Variants in NEK1 observed in about 807,000 individuals in gnomAD.
NEK1 encodes NIMA related kinase 1.
A neutral mutation model predicts 182.1 loss-of-function variants in NEK1; 137 were observed. The ratio of observed to expected loss-of-function variants is 0.75; its 90% CI spans 0.65 to 0.87. The LOEUF is 0.87. NEK1 is among the 40% of genes least tolerant of loss of function. The probability of loss-of-function intolerance (pLI) is 0.00; values close to 1 mark genes in which losing one functional copy is unlikely to be tolerated. For synonymous variants in NEK1, 513 were observed against 492.2 expected (o/e 1.04, Z -0.56); for missense variants, 1,391 against 1,494.4 (o/e 0.93, Z 1.14).
intron 22 of NEK1, 35 bp from the exon 23 acceptor site, chr4:169,507,167 A>C: frequency 3.1e-6 from 4 of 1,300,530 alleles, no homozygotes; most frequent in Non-Finnish European, 3.2e-6. Context: ...ATGAGTTACC[A>C]GAAAGAAGGG....
At chr4:169,575,666 T>C (rs1165850530) in intron 12 of NEK1, among the ~76,000 whole-genome samples, 2 of 152,204 alleles carry the variant, frequency 1.3e-5, no homozygotes, top group Non-Finnish European at 2.9e-5. Flanking sequence ...CAGTACATTC[T>C]ACTGACACTC....
chr4:169,509,210 G>A (rs901160043), intron 19 of NEK1, among the ~76,000 whole-genome samples: 4 of 151,806 alleles, frequency 2.6e-5, no homozygotes, highest in Non-Finnish European at 4.4e-5. Flanking sequence ...AATCCATTTC[G>A]ACATATGTCT....
At chr4:169,493,089 G>A (rs1261409484) in intron 23 of NEK1, among the ~76,000 whole-genome samples, 7 of 151,944 alleles carry the variant, frequency 4.6e-5, no homozygotes, top group African/African-American at 1.7e-4. Context: ...CTTACTCTTC[G>A]GCACCATCTA....
intron 2 of NEK1, among the ~76,000 whole-genome samples, chr4:169,603,048 C>T (rs946853294): frequency 6.6e-6 from 1 of 152,166 alleles, no homozygotes; most frequent in African/African-American, 2.4e-5. Flanking sequence ...CTAATCCCCT[C>T]TTATTCAACA....
At chr4:169,558,098 G>C (rs887728618) in intron 16 of NEK1, among the ~76,000 whole-genome samples, 12 of 152,112 alleles carry the variant, frequency 7.9e-5, no homozygotes, top group Admixed American at 5.2e-4. Flanking sequence ...TCAGAATTCA[G>C]TTATAAGGTG....
rs188990494 is a variant in NEK1 at position 169,456,854 on chromosome 4, T to C, written c.2587+6389A>G. On this transcript the variant is annotated intron_variant, in intron 27 of 35. Coordinates refer to ENST00000507142, the MANE Select transcript of NEK1 (RefSeq NM_001199397.3). Reference sequence around the variant, plus strand: ...ATGGATAAAGAAAATGTGGGACATATACACAATGGAGTACTATTCAGCCAC... The same window carrying C: ...ATGGATAAAGAAAATGTGGGACATACACACAATGGAGTACTATTCAGCCAC... Among the ~76,000 whole-genome samples, 606 of 152,310 alleles carry C rather than the reference T, an allele frequency of 4.0e-3. 5 individuals carry two copies. Among genetic ancestry groups the C allele is most frequent in the South Asian group, 0.03 (143 of 4,828 alleles).
rs773540739 is a variant in NEK1, at chr4:169,541,592, G to C, written c.1563-3681C>G. Among the ~76,000 whole-genome samples the C allele has an allele frequency of 1.2e-3, 184 of 152,228 alleles. 4 individuals carry two copies. Among genetic ancestry groups the C allele is most frequent in the Non-Finnish European group, 1.3e-3 (86 of 68,012 alleles). On this transcript the variant is annotated intron_variant, in intron 18 of 35. Coordinates refer to ENST00000507142, the MANE Select transcript of NEK1 (RefSeq NM_001199397.3). ...AGATTTCAGTTTGCTGATTCAGTTT[G>C]AATCATGGAAAGGAATGAATCAAGA...
chr4:169,487,658 T>C (rs572419236), intron 23 of NEK1, among the ~76,000 whole-genome samples: 58 of 152,346 alleles, frequency 3.8e-4, no homozygotes, highest in Non-Finnish European at 6.3e-4. Flanking sequence ...GAATGATTTA[T>C]ATATTTTGGG....
At chr4:169,401,948 A>G (rs1731765334) in intron 32 of NEK1, 88 bp from the exon 33 acceptor site, 1 of 1,123,320 alleles carries the variant, frequency 8.9e-7, no homozygotes, top group African/African-American at 1.6e-5. Flanking sequence ...CTGAAATTTT[A>G]CTTCTACTCA....
chr4:169,477,572 C>T (rs1445579479), intron 24 of NEK1, 75 bp from the exon 25 acceptor site: 12 of 1,110,136 alleles, frequency 1.1e-5, no homozygotes, highest in Admixed American at 2.6e-5. Context: ...ATTACATCCT[C>T]GTTACTTTTT....
At chr4:169,447,198 T>C (rs980834816) in intron 27 of NEK1, among the ~76,000 whole-genome samples, 4 of 152,100 alleles carry the variant, frequency 2.6e-5, no homozygotes, top group African/African-American at 9.7e-5. Flanking sequence ...GCAGCAGACT[T>C]TGTGTCTGGC....
chr4:169,473,246 G>GAA (rs111395147), intron 26 of NEK1, among the ~76,000 whole-genome samples: 36 of 129,236 alleles, frequency 2.8e-4, no homozygotes, highest in Non-Finnish European at 3.7e-4. Context: ...AGCCTGTCTT[G>GAA]AAAAAAAAAA....
At chr4:169,574,597 A>G (rs566173777) in intron 12 of NEK1, among the ~76,000 whole-genome samples, 1 of 147,622 alleles carries the variant, frequency 6.8e-6, no homozygotes, top group South Asian at 2.2e-4. Flanking sequence ...ACAGAGGGAG[A>G]CTCCACCTCA....
intron 29 of NEK1, among the ~76,000 whole-genome samples, chr4:169,430,675 C>A (rs1737257414): frequency 1.3e-5 from 2 of 152,096 alleles, no homozygotes; most frequent in Non-Finnish European, 2.9e-5. Context: ...TAATGTGAAT[C>A]CATGTCATTA....
At chr4:169,546,612 G>T (rs1760506719) in intron 18 of NEK1, among the ~76,000 whole-genome samples, 1 of 152,164 alleles carries the variant, frequency 6.6e-6, no homozygotes, top group Non-Finnish European at 1.5e-5. Flanking sequence ...GGGAGTCTAT[G>T]TCTCTTTTTA....
intron 19 of NEK1, among the ~76,000 whole-genome samples, chr4:169,509,209 C>T (rs772165707): frequency 3.3e-5 from 5 of 151,950 alleles, no homozygotes; most frequent in Non-Finnish European, 5.9e-5. Flanking sequence ...CAATCCATTT[C>T]GACATATGTC....
intron 23 of NEK1, among the ~76,000 whole-genome samples, chr4:169,505,962 A>C (rs1753182758): frequency 1.3e-5 from 2 of 152,162 alleles, no homozygotes; most frequent in Admixed American, 1.3e-4. Flanking sequence ...AAGAGATATA[A>C]AAGAAACTAT....
chr4:169,607,543 A>G (rs554661038), intron 2 of NEK1, among the ~76,000 whole-genome samples: 86 of 152,130 alleles, frequency 5.7e-4, no homozygotes, highest in African/African-American at 2.0e-3. Flanking sequence ...GCTCACTGCA[A>G]GCTCCACCTC....
intron 29 of NEK1, among the ~76,000 whole-genome samples, chr4:169,426,542 C>T (rs1736419835): frequency 6.6e-6 from 1 of 152,196 alleles, no homozygotes. Context: ...AAATTCTCAG[C>T]CTCACCCTTG....
Sources: allele counts gnomAD v4.1 joint callset (sites outside exome capture counted in the v4.1 genomes callset), GRCh38; gene constraint gnomAD v4.1.1; transcripts MANE v1.5; gene names NCBI Gene and HGNC (gene_info 2026-07-23, HGNC 2026-07-21).